Variants in QTMAN observed in about 807,000 individuals in gnomAD.
The protein encoded by QTMAN is queuosine-tRNA mannosyltransferase.
At chr2:143,984,398 T>C in the QTMAN span, among the ~76,000 whole-genome samples, 20 of 152,212 alleles carry the variant, frequency 1.3e-4, no homozygotes, top group African/African-American at 4.6e-4. Flanking sequence ...GGTCAGCAGA[T>C]GGTTCTCTAA....
chr2:144,110,308 G>A, the QTMAN span, among the ~76,000 whole-genome samples: 315 of 152,132 alleles, frequency 2.1e-3, no homozygotes, highest in Admixed American at 5.8e-3. Context: ...ACCGAACACC[G>A]CATGTTCTCA....
the QTMAN span, among the ~76,000 whole-genome samples, chr2:144,194,517 A>G: frequency 6.6e-6 from 1 of 152,198 alleles, no homozygotes; most frequent in African/African-American, 2.4e-5. Flanking sequence ...TGCGTGGGCT[A>G]ATATTTGTAA....
the QTMAN span, among the ~76,000 whole-genome samples, chr2:144,164,897 T>C: frequency 6.6e-6 from 1 of 152,240 alleles, no homozygotes; most frequent in Non-Finnish European, 1.5e-5. Context: ...CTGTATACAC[T>C]AGTCACCCAA....
At chr2:144,331,803 T>G in the QTMAN span, among the ~76,000 whole-genome samples, 1 of 152,278 alleles carries the variant, frequency 6.6e-6, no homozygotes, top group South Asian at 2.1e-4. Context: ...AGACGAGGGA[T>G]TCCGGGGTGG....
chr2:144,079,083 T>C, the QTMAN span, among the ~76,000 whole-genome samples: 4 of 152,170 alleles, frequency 2.6e-5, no homozygotes, highest in Admixed American at 2.0e-4. Flanking sequence ...TGTTTGGTTA[T>C]AATTCACTTA....
chr2:144,262,951 G>A, the QTMAN span, among the ~76,000 whole-genome samples: 1 of 86,892 alleles, frequency 1.2e-5, no homozygotes, highest in South Asian at 6.0e-4. Context: ...GGAGGGGATA[G>A]GGGAAGGGAG....
At chr2:144,305,608 T>C in the QTMAN span, among the ~76,000 whole-genome samples, 1 of 152,182 alleles carries the variant, frequency 6.6e-6, no homozygotes, top group Admixed American at 6.5e-5. Context: ...CATGTAACTT[T>C]TAGGATCAGC....
chr2:144,327,768 A>T, the QTMAN span, among the ~76,000 whole-genome samples: 1 of 152,058 alleles, frequency 6.6e-6, no homozygotes, highest in African/African-American at 2.4e-5. Context: ...CCAGCCCCCT[A>T]AAGGTAGGGG....
At chr2:144,267,743 G>A in the QTMAN span, among the ~76,000 whole-genome samples, 1 of 152,194 alleles carries the variant, frequency 6.6e-6, no homozygotes, top group Non-Finnish European at 1.5e-5. Context: ...TAAAACAGAT[G>A]AAAATTTTCC....
the QTMAN span, among the ~76,000 whole-genome samples, chr2:144,026,956 A>G: frequency 6.6e-6 from 1 of 152,246 alleles, no homozygotes; most frequent in Non-Finnish European, 1.5e-5. Context: ...TGGTAGGGAA[A>G]ATACACAAAC....
the QTMAN span, among the ~76,000 whole-genome samples, chr2:143,972,486 T>C: frequency 6.6e-6 from 1 of 152,044 alleles, no homozygotes; most frequent in African/African-American, 2.4e-5. Context: ...TAAAAGTAGA[T>C]GAGGTTTGGA....
At chr2:144,328,955 G>GT in the QTMAN span, among the ~76,000 whole-genome samples, 33 of 151,528 alleles carry the variant, frequency 2.2e-4, no homozygotes, top group African/African-American at 4.4e-4. Flanking sequence ...ATTTTCCTCA[G>GT]TTTTTTTTTA....
At chr2:144,243,315 T>A in the QTMAN span, among the ~76,000 whole-genome samples, 8 of 152,338 alleles carry the variant, frequency 5.3e-5, no homozygotes, top group Non-Finnish European at 7.3e-5. Flanking sequence ...TCTTTAGTTT[T>A]ACTGTAATCT....
the QTMAN span, among the ~76,000 whole-genome samples, chr2:144,088,581 C>A: frequency 6.6e-6 from 1 of 152,104 alleles, no homozygotes; most frequent in South Asian, 2.1e-4. Context: ...TATTACAAGT[C>A]TACAGTAAAC....
chr2:143,999,250 G>A, the QTMAN span, among the ~76,000 whole-genome samples: 4 of 151,984 alleles, frequency 2.6e-5, no homozygotes, highest in South Asian at 2.1e-4. Context: ...AGTGCCTTCG[G>A]TGCGTGGACA....
the QTMAN span, among the ~76,000 whole-genome samples, chr2:144,303,900 G>A: frequency 6.6e-6 from 1 of 152,206 alleles, no homozygotes; most frequent in Non-Finnish European, 1.5e-5. Context: ...TAAGTACATG[G>A]TGGTTCAGCT....
chr2:144,098,528 A>G, the QTMAN span, among the ~76,000 whole-genome samples: 1 of 152,110 alleles, frequency 6.6e-6, no homozygotes, highest in South Asian at 2.1e-4. Context: ...CAGCCTGGGC[A>G]ACACGGTGAA....
the QTMAN span, among the ~76,000 whole-genome samples, chr2:144,307,188 T>TAAAAAA: frequency 1.2e-5 from 1 of 81,266 alleles, no homozygotes; most frequent in African/African-American, 4.6e-5. Context: ...AAAAAACAAT[T>TAAAAAA]AAAAAAAAAA....
At chr2:144,307,243 T>C in the QTMAN span, among the ~76,000 whole-genome samples, 1 of 53,252 alleles carries the variant, frequency 1.9e-5, no homozygotes. Context: ...CAAAAAAAAA[T>C]ATGAAAACAT....
Sources: allele counts gnomAD v4.1 joint callset (sites outside exome capture counted in the v4.1 genomes callset), GRCh38; gene constraint gnomAD v4.1.1; transcripts MANE v1.5; gene names NCBI Gene and HGNC (gene_info 2026-07-23, HGNC 2026-07-21).